The following FNDC3A variants were observed in gnomAD, a reference collection of about 807,000 sequenced individuals.
The protein encoded by FNDC3A is fibronectin type III domain containing 3A.
Under a neutral mutation model 148.9 loss-of-function variants are expected in FNDC3A, and 32 were observed. The observed-to-expected ratio is 0.21, with a 90% CI of 0.16 to 0.29. FNDC3A has a LOEUF of 0.29. Ranked by LOEUF, FNDC3A falls within the 10% of genes least tolerant of loss-of-function variation. The probability of loss-of-function intolerance (pLI) is 1.00; values close to 1 mark genes in which losing one functional copy is unlikely to be tolerated. For missense variants in FNDC3A, 1,191 were observed against 1,452.8 expected (o/e 0.82, Z 2.93); for synonymous variants, 472 against 473.6 (o/e 1.00, Z 0.04).
intron 3 of FNDC3A, among the ~76,000 whole-genome samples, chr13:49,103,133 T>C (rs1879964683): frequency 6.6e-6 from 1 of 152,230 alleles, no homozygotes; most frequent in East Asian, 1.9e-4. Context: ...CCAGTTTACA[T>C]GTGAGAAAAC....
intron 3 of FNDC3A, among the ~76,000 whole-genome samples, chr13:49,091,464 A>G (rs912818607): frequency 2.0e-5 from 3 of 152,312 alleles, no homozygotes; most frequent in Admixed American, 1.3e-4. Context: ...GGTACAGCCC[A>G]TGAATCTGTA....
In FNDC3A at chr13:49,207,216, A is replaced by G. The variant is rs1380215034; in HGVS notation, c.3418A>G (p.Thr1140Ala). The change falls in exon 26 of 26, where the codon ACA becomes GCA. Residue 1140 changes from threonine to alanine, a missense_variant. Transcript: ENST00000492622. ...GGACCTCGTAGGTCCCTACAGCACC[A>G]CAGTGCTCTTCATCTCTCAGAGGAC... The part of the protein sequence containing the change: ...HQDLVGPYST[T>A]VLFISQRTEP... 1 of 1,614,042 alleles carries G rather than the reference A, an allele frequency of 6.2e-7. No homozygotes were observed.
chr13:48,984,724 C>T, intron 1 of FNDC3A, among the ~76,000 whole-genome samples: 1 of 152,052 alleles, frequency 6.6e-6, no homozygotes, highest in Non-Finnish European at 1.5e-5. Context: ...CTCGCTCTGT[C>T]ACCAGGCTGG....
intron 1 of FNDC3A, among the ~76,000 whole-genome samples, chr13:48,994,709 C>T (rs1047053651): frequency 9.3e-5 from 14 of 150,986 alleles, no homozygotes; most frequent in African/African-American, 2.9e-4. Context: ...ACCTGGGAAG[C>T]GGGGGTTGCA....
At chr13:49,121,678 C>G (rs1471788512) in intron 4 of FNDC3A, among the ~76,000 whole-genome samples, 1 of 152,128 alleles carries the variant, frequency 6.6e-6, no homozygotes, top group Non-Finnish European at 1.5e-5. Context: ...CACCACTGAT[C>G]CCACAGAAAT....
chr13:49,159,365 T>C (rs1883939336), intron 8 of FNDC3A, among the ~76,000 whole-genome samples: 1 of 152,212 alleles, frequency 6.6e-6, no homozygotes, highest in African/African-American at 2.4e-5. Context: ...CCTAGGTATT[T>C]TATTCTCTTT....
At chr13:49,108,239 GA>G (rs943931720) in intron 3 of FNDC3A, among the ~76,000 whole-genome samples, 1 of 152,194 alleles carries the variant, frequency 6.6e-6, no homozygotes, top group Non-Finnish European at 1.5e-5. Context: ...CAAGAGTTGG[GA>G]TAGAGAACAA....
intron 8 of FNDC3A, among the ~76,000 whole-genome samples, chr13:49,148,796 A>G (rs1375302472): frequency 6.6e-6 from 1 of 152,130 alleles, no homozygotes; most frequent in Non-Finnish European, 1.5e-5. Context: ...TTTGGACAGT[A>G]TGTTCATTTT....
intron 1 of FNDC3A, among the ~76,000 whole-genome samples, chr13:48,983,171 A>G (rs958430142): frequency 6.6e-6 from 1 of 152,220 alleles, no homozygotes; most frequent in East Asian, 1.9e-4. Context: ...AGAGATAATG[A>G]TATGTAAATA....
chr13:49,148,102 G>C (rs1037748572), intron 8 of FNDC3A, among the ~76,000 whole-genome samples: 1 of 151,996 alleles, frequency 6.6e-6, no homozygotes, highest in East Asian at 1.9e-4. Flanking sequence ...TGAATTCCTT[G>C]TATATTCTGG....
chr13:49,024,568 G>T (rs1435091412), intron 2 of FNDC3A, among the ~76,000 whole-genome samples: 2 of 151,894 alleles, frequency 1.3e-5, no homozygotes, highest in Non-Finnish European at 2.9e-5. Context: ...TGTAAGAATT[G>T]TTCAACATAC....
intron 1 of FNDC3A, among the ~76,000 whole-genome samples, chr13:48,995,484 T>A (rs1593449020): frequency 1.3e-5 from 2 of 152,268 alleles, no homozygotes; most frequent in Admixed American, 1.3e-4. Context: ...AAAGCTGTCT[T>A]TTTTTAAATT....
chr13:49,193,854 A>C (rs1886015025), intron 19 of FNDC3A, among the ~76,000 whole-genome samples: 1 of 152,088 alleles, frequency 6.6e-6, no homozygotes. Context: ...TGGGAGGCGG[A>C]GGTTACAGTG....
intron 3 of FNDC3A, among the ~76,000 whole-genome samples, chr13:49,086,410 A>G (rs974926769): frequency 1.3e-5 from 2 of 152,200 alleles, no homozygotes; most frequent in African/African-American, 4.8e-5. Flanking sequence ...AGATTCTACA[A>G]GTTTCTACCA....
intron 8 of FNDC3A, among the ~76,000 whole-genome samples, chr13:49,149,874 G>A (rs1305026113): frequency 1.3e-5 from 2 of 152,108 alleles, no homozygotes; most frequent in East Asian, 3.9e-4. Context: ...CTCGTTATTG[G>A]TTGGTTCATA....
At chr13:49,122,277 AAGGCCTTCAATAAAAT>A (rs1881401335) in intron 4 of FNDC3A, among the ~76,000 whole-genome samples, 1 of 152,140 alleles carries the variant, frequency 6.6e-6, no homozygotes, top group South Asian at 2.1e-4. Context: ...AGACACAGAA[AAGGCCTTCAATAAAAT>A]TGAAGGCCTT....
chr13:48,976,354 G>GGCAGAGGT (rs2137535582), intron 1 of FNDC3A, among the ~76,000 whole-genome samples, 177 bp downstream of exon 1: 1 of 152,318 alleles, frequency 6.6e-6, no homozygotes, highest in Admixed American at 6.5e-5. Context: ...GCGCGCTGTG[G>GGCAGAGGT]GCAGAGGTGC....
At chr13:48,986,036 A>G (rs894308234) in intron 1 of FNDC3A, among the ~76,000 whole-genome samples, 7 of 152,146 alleles carry the variant, frequency 4.6e-5, no homozygotes, top group Non-Finnish European at 8.8e-5. Flanking sequence ...GTCTGAAGTC[A>G]TTGGTGTTTT....
At chr13:49,054,709 T>C (rs1452576943) in intron 2 of FNDC3A, among the ~76,000 whole-genome samples, 2 of 152,198 alleles carry the variant, frequency 1.3e-5, no homozygotes, top group African/African-American at 2.4e-5. Context: ...GTGGCCTTAT[T>C]CTCCCAGAGC....
Sources: gnomAD v4.1 joint callset for allele counts (sites outside exome capture counted in the v4.1 genomes callset) on GRCh38, gnomAD v4.1.1 for gene constraint, MANE v1.5 for transcripts, NCBI Gene and HGNC (gene_info 2026-07-23, HGNC 2026-07-21) for gene names.